FNIP2: variants seen among roughly 807,000 people sequenced by gnomAD.
FNIP2 encodes the protein folliculin-interacting protein 2.
FNIP2 carries 32 observed loss-of-function variants against 108.7 expected under a neutral mutation model. The observed-to-expected ratio is 0.29, with a 90% confidence interval of 0.22 to 0.40. FNIP2 has a LOEUF of 0.40. FNIP2 is among the 10% of genes least tolerant of loss of function. The probability of loss-of-function intolerance (pLI) is 1.00; values close to 1 mark genes in which losing one functional copy is unlikely to be tolerated. For synonymous variants in FNIP2, 480 were observed against 496.7 expected, an observed-to-expected ratio of 0.97 and a Z score of 0.45; for missense variants, 1,202 against 1,381.6, an observed-to-expected ratio of 0.87 and a Z score of 2.06.
chr4:158,778,462 A>C (rs1167735251), intron 1 of FNIP2, among the ~76,000 whole-genome samples: 1 of 152,226 alleles, frequency 6.6e-6, no homozygotes, highest in Admixed American at 6.5e-5. Flanking sequence ...GAGTAGCACA[A>C]TGGAATCTCC....
chr4:158,847,707 G>A (rs561543504), intron 7 of FNIP2, among the ~76,000 whole-genome samples: 137 of 152,274 alleles, frequency 9.0e-4, no homozygotes, highest in Admixed American at 1.5e-3. Flanking sequence ...AGGGTCCTCA[G>A]TTCCAGACAT....
intron 12 of FNIP2, among the ~76,000 whole-genome samples, chr4:158,866,669 G>A (rs1055414210): frequency 5.3e-5 from 8 of 151,638 alleles, no homozygotes; most frequent in South Asian, 2.1e-4. Context: ...TCTGCCTCCC[G>A]GGTTCAAGTT....
chr4:158,844,277 A>AG (rs554681453), intron 7 of FNIP2, among the ~76,000 whole-genome samples: 12 of 152,196 alleles, frequency 7.9e-5, no homozygotes, highest in Admixed American at 5.2e-4. Context: ...TATTTGAATG[A>AG]GGGGGGGAAA....
chr4:158,838,942 C>T (rs1235288784), intron 7 of FNIP2, among the ~76,000 whole-genome samples: 1 of 152,116 alleles, frequency 6.6e-6, no homozygotes, highest in Admixed American at 6.5e-5. Flanking sequence ...TAATGTTTTT[C>T]TCATGATTAC....
chr4:158,806,040 C>CTTT, intron 1 of FNIP2: 54 of 656,454 alleles, frequency 8.2e-5, no homozygotes, highest in South Asian at 1.6e-4. Flanking sequence ...AATGTTCCAC[C>CTTT]TTTTTTTTTT....
At chr4:158,820,821 A>G (rs916153165) in intron 1 of FNIP2, among the ~76,000 whole-genome samples, 56 of 152,324 alleles carry the variant, frequency 3.7e-4, no homozygotes, top group African/African-American at 1.3e-3. Flanking sequence ...GACACCAGTC[A>G]TTGGATTAGG....
chr4:158,903,896 C>G (rs1729585839), intron 16 of FNIP2, among the ~76,000 whole-genome samples: 2 of 152,120 alleles, frequency 1.3e-5, no homozygotes, highest in Admixed American at 6.5e-5. Context: ...AAAGCTGTGT[C>G]CATTTGAAAC....
intron 1 of FNIP2, among the ~76,000 whole-genome samples, chr4:158,807,486 G>A (rs141032123): frequency 2.9e-3 from 444 of 152,206 alleles, no homozygotes; most frequent in African/African-American, 8.2e-3. Flanking sequence ...CTGGGCAACC[G>A]AGCAAGACTC....
chr4:158,769,219 C>T lies in FNIP2; in HGVS notation c.7C>T (p.Pro3Ser). 1.4e-6 allele frequency: 2 copies of T among 1,477,142 alleles called. No individual in the cohort carries two copies. The highest frequency in any genetic ancestry group is 1.5e-5 in the African/African-American group (1 of 68,844). 91.5% of individuals were successfully genotyped at this position (1,477,142 alleles called of 1,614,324 possible). MAPTLLQKLFNKR... is the reference protein window; with the variant it reads MASTLLQKLFNKR... ...GAGCTGCGGCGGCGGCATCATGGCC[C>T]CGACCCTGCTCCAGAAGCTCTTCAA... Residue 3 changes from proline to serine, a missense_variant, in exon 1 of 17, where the codon CCG (proline) becomes TCG (serine). Transcript: ENST00000264433.
intron 7 of FNIP2, among the ~76,000 whole-genome samples, chr4:158,839,999 T>G (rs1779033576): frequency 6.6e-6 from 1 of 152,200 alleles, no homozygotes; most frequent in Non-Finnish European, 1.5e-5. Context: ...AAAAGATAGC[T>G]TTTTAAGGGG....
At chr4:158,893,382 A>G (rs1021126207) in intron 15 of FNIP2, 1 of 255,596 alleles carries the variant, frequency 3.9e-6, no homozygotes, top group South Asian at 1.3e-4. Flanking sequence ...CCTATCTCCT[A>G]TGGTTATGAA....
chr4:158,833,762 G>C (rs1401773827), intron 6 of FNIP2, 134 bp downstream of exon 6: 1 of 1,440,710 alleles, frequency 6.9e-7, no homozygotes, highest in East Asian at 2.5e-5. Flanking sequence ...TTTTGTATGT[G>C]TACTTTGTTT....
chr4:158,774,110 C>T (rs1446013310), intron 1 of FNIP2, among the ~76,000 whole-genome samples: 1 of 152,110 alleles, frequency 6.6e-6, no homozygotes, highest in Non-Finnish European at 1.5e-5. Flanking sequence ...AACAAAATTA[C>T]ACTTATACCC....
At chr4:158,770,522 G>C (rs1338509284) in intron 1 of FNIP2, among the ~76,000 whole-genome samples, 1 of 152,102 alleles carries the variant, frequency 6.6e-6, no homozygotes, top group Non-Finnish European at 1.5e-5. Context: ...ATTTAAAACA[G>C]TCTCTCACTG....
intron 14 of FNIP2, among the ~76,000 whole-genome samples, chr4:158,882,809 A>C (rs1781759200): frequency 6.6e-6 from 1 of 152,154 alleles, no homozygotes; most frequent in Non-Finnish European, 1.5e-5. Context: ...CATGCTCCTT[A>C]AGAGTCATCA....
chr4:158,859,391 G>A, intron 9 of FNIP2, 133 bp downstream of exon 9: 1 of 1,129,836 alleles, frequency 8.9e-7, no homozygotes, highest in Non-Finnish European at 1.2e-6. Context: ...TAAATTTTAG[G>A]CATGTTGATG....
At chr4:158,789,414 A>C (rs1306538722) in intron 1 of FNIP2, among the ~76,000 whole-genome samples, 1 of 152,192 alleles carries the variant, frequency 6.6e-6, no homozygotes, top group Non-Finnish European at 1.5e-5. Context: ...CAGTTCATTT[A>C]TTTATTAGAA....
rs908565103 is a variant in FNIP2, at chr4:158,905,027, C to G, written c.*483C>G. On this transcript the variant is annotated 3_prime_UTR_variant, in exon 17 of 17. Coordinates refer to ENST00000264433, the MANE Select transcript of FNIP2 (RefSeq NM_020840.3). Reference sequence around the variant, plus strand: ...AGAATACAGACTTTGGATTCCAGGTCACAGTTTGCTTTTTAGACAAGGTAA... The same window carrying G: ...AGAATACAGACTTTGGATTCCAGGTGACAGTTTGCTTTTTAGACAAGGTAA... 2 of 153,400 alleles carry G rather than the reference C, an allele frequency of 1.3e-5. No homozygotes were observed. Among genetic ancestry groups the G allele is most frequent in the African/African-American group, 4.8e-5 (2 of 41,468 alleles). 9.5% of individuals were successfully genotyped at this position (153,400 alleles called of 1,614,324 possible).
chr4:158,903,406 A>G (rs933610665), intron 16 of FNIP2, among the ~76,000 whole-genome samples: 7 of 152,178 alleles, frequency 4.6e-5, no homozygotes, highest in Non-Finnish European at 1.0e-4. Flanking sequence ...GCTGCAGACC[A>G]GAGCTGTTCC....
Sources: allele counts gnomAD v4.1 joint callset (sites outside exome capture counted in the v4.1 genomes callset), GRCh38; gene constraint gnomAD v4.1.1; transcripts MANE v1.5; gene names NCBI Gene and HGNC (gene_info 2026-07-23, HGNC 2026-07-21).